The following MITF variants were observed in gnomAD, a reference collection of about 807,000 sequenced individuals.
The protein encoded by MITF is melanocyte inducing transcription factor.
Under a neutral mutation model 60.5 loss-of-function variants are expected in MITF, and 17 were observed. The observed-to-expected ratio is 0.28, with a 90% CI of 0.19 to 0.42. The LOEUF (loss-of-function observed/expected upper bound fraction) is 0.42, where lower values mean the gene tolerates loss of function less well. Among genes scored for constraint, MITF ranks in the 10% least tolerant of loss-of-function variants. The pLI is 1.00. For missense variants in MITF, 622 were observed against 683.5 expected (o/e 0.91, Z 1.00); for synonymous variants, 260 against 248.5 (o/e 1.05, Z -0.43).
intron 2 of MITF, among the ~76,000 whole-genome samples, chr3:69,915,491 A>G (rs1282216446): frequency 6.6e-6 from 1 of 151,560 alleles, no homozygotes; most frequent in Non-Finnish European, 1.5e-5. Flanking sequence ...ATTTGTATGT[A>G]CAAATATTTA....
At chr3:69,786,628 C>T (rs1048648358) in intron 1 of MITF, among the ~76,000 whole-genome samples, 1 of 151,960 alleles carries the variant, frequency 6.6e-6, no homozygotes, top group African/African-American at 2.4e-5. Context: ...TGACAATCCT[C>T]GAGTAACATT....
intron 1 of MITF, among the ~76,000 whole-genome samples, chr3:69,819,747 A>G (rs1192143486): frequency 1.3e-5 from 2 of 152,164 alleles, no homozygotes; most frequent in African/African-American, 4.8e-5. Flanking sequence ...GGATCACTTG[A>G]GGTCAGGAGT....
rs2062394178 is a variant in MITF, at chr3:69,771,510, G to C, written c.104+31809G>C. ...CTCCAGCAGTGTGTCATTAGTGAAC[G>C]GGGAGGATTCTACAGATAGGATGCA... On this transcript the variant is annotated intron_variant, in intron 1 of 9. Transcript: ENST00000352241. Among the ~76,000 whole-genome samples the C allele has an allele frequency of 5.9e-5, 9 of 152,094 alleles. No homozygotes were observed. The South Asian group carries it at 1.7e-3, about 28-fold the overall frequency.
chr3:69,791,317 C>T (rs1049579854), intron 1 of MITF, among the ~76,000 whole-genome samples: 1 of 152,158 alleles, frequency 6.6e-6, no homozygotes, highest in African/African-American at 2.4e-5. Flanking sequence ...ACTCCATGAT[C>T]GCTGAAGAGC....
At chr3:69,788,116 C>T (rs1000572951) in intron 1 of MITF, among the ~76,000 whole-genome samples, 2 of 151,546 alleles carry the variant, frequency 1.3e-5, no homozygotes, top group Admixed American at 6.6e-5. Flanking sequence ...GTCTTCTTAA[C>T]CACTATTTTC....
intron 1 of MITF, among the ~76,000 whole-genome samples, chr3:69,764,660 G>T (rs2062262598): frequency 6.6e-6 from 1 of 152,152 alleles, no homozygotes; most frequent in East Asian, 1.9e-4. Flanking sequence ...TGGGTGAAGG[G>T]TTTTGAATAC....
intron 1 of MITF, among the ~76,000 whole-genome samples, chr3:69,850,357 T>C (rs1174647335): frequency 1.3e-5 from 2 of 152,200 alleles, no homozygotes; most frequent in African/African-American, 4.8e-5. Context: ...TCTCTTAAAG[T>C]CTCATTCTCC....
At chr3:69,832,986 G>C (rs568043136) in intron 1 of MITF, among the ~76,000 whole-genome samples, 6 of 151,436 alleles carry the variant, frequency 4.0e-5, no homozygotes, top group Non-Finnish European at 7.4e-5. Flanking sequence ...TTGTTTCTCT[G>C]TTCACACTGT....
At chr3:69,765,099 G>A (rs1478209711) in intron 1 of MITF, among the ~76,000 whole-genome samples, 1 of 152,114 alleles carries the variant, frequency 6.6e-6, no homozygotes, top group Non-Finnish European at 1.5e-5. Flanking sequence ...GCAGTCCCGT[G>A]GAAACAGAAA....
chr3:69,839,167 G>A (rs995975053), intron 1 of MITF, among the ~76,000 whole-genome samples: 5 of 151,202 alleles, frequency 3.3e-5, no homozygotes, highest in South Asian at 2.1e-4. Context: ...TCTTTTAAAG[G>A]GACTTGGGAG....
In MITF at chr3:69,965,602, C is replaced by T. The variant is rs2066671229; in HGVS notation, c.*354C>T. The T allele has an allele frequency of 4.0e-6, 1 of 251,948 alleles. No individual in the cohort carries two copies. The highest frequency in any genetic ancestry group is 2.2e-5 in the African/African-American group (1 of 45,350). 15.6% of individuals were successfully genotyped at this position (251,948 alleles called of 1,614,324 possible). On this transcript the variant is annotated 3_prime_UTR_variant, in exon 10 of 10. Transcript: ENST00000352241. The stretch of plus-strand genomic sequence containing the variant: ...TTGAGATTTTTATGCCTGTGACTTC[C>T]TTGGAAATCAAATGTAAAGTTTAAT...
At chr3:69,850,213 G>C (rs2063801569) in intron 1 of MITF, among the ~76,000 whole-genome samples, 2 of 152,276 alleles carry the variant, frequency 1.3e-5, no homozygotes, top group South Asian at 2.1e-4. Flanking sequence ...TTTTTGGAGT[G>C]TTCAGATGAA....
At chr3:69,845,424 CT>C (rs2063712491) in intron 1 of MITF, among the ~76,000 whole-genome samples, 2 of 125,562 alleles carry the variant, frequency 1.6e-5, no homozygotes, top group African/African-American at 5.3e-5. Context: ...CTTTTCTTTT[CT>C]TTTTTCTTTT....
intron 1 of MITF, among the ~76,000 whole-genome samples, chr3:69,750,652 G>T (rs1248308102): frequency 6.6e-6 from 1 of 151,932 alleles, no homozygotes; most frequent in Non-Finnish European, 1.5e-5. Flanking sequence ...AGATTTCAGG[G>T]ACACACTCCC....
intron 3 of MITF, chr3:69,938,613 G>A (rs1323175240): frequency 1.5e-6 from 2 of 1,349,826 alleles, no homozygotes; most frequent in African/African-American, 1.5e-5. Context: ...AATTGCCACT[G>A]CCCGTTAAAT....
At chr3:69,841,729 C>A (rs959598423) in intron 1 of MITF, among the ~76,000 whole-genome samples, 2 of 152,104 alleles carry the variant, frequency 1.3e-5, no homozygotes, top group African/African-American at 2.4e-5. Flanking sequence ...TACTTCTTTT[C>A]GTCTCTGAAA....
chr3:69,740,780 G>T (rs895498907), intron 1 of MITF, among the ~76,000 whole-genome samples: 18 of 152,336 alleles, frequency 1.2e-4, no homozygotes, highest in African/African-American at 4.1e-4. Flanking sequence ...TCTGCACTCG[G>T]CTGTAACTTC....
chr3:69,753,201 C>T (rs897305753), intron 1 of MITF, among the ~76,000 whole-genome samples: 3 of 152,176 alleles, frequency 2.0e-5, no homozygotes, highest in Admixed American at 2.0e-4. Flanking sequence ...CCAGGTTACA[C>T]TCAGGCCACT....
In MITF at chr3:69,879,264, A is replaced by C. The variant is rs751155026; in HGVS notation, c.235A>C (p.Lys79Gln). 1.2e-6 allele frequency: 2 copies of C among 1,614,090 alleles called. No homozygotes were observed. The highest frequency in any genetic ancestry group is 1.7e-5 in the Admixed American group (1 of 60,004). Residue 79 changes from lysine to glutamine, a missense_variant, in exon 2 of 10, where the codon AAG becomes CAG. Coordinates refer to ENST00000352241, the MANE Select transcript of MITF (RefSeq NM_001354604.2). ...QEQERREQQQ[K>Q]LQAAQFMQQR... The stretch of plus-strand genomic sequence containing the variant: ...GCAGGAGCGCAGGGAGCAGCAGCAG[A>C]AGCTGCAGGCGGCCCAGTTCATGCA...
Sources: gnomAD v4.1 joint callset for allele counts (sites outside exome capture counted in the v4.1 genomes callset) on GRCh38, gnomAD v4.1.1 for gene constraint, MANE v1.5 for transcripts, NCBI Gene and HGNC (gene_info 2026-07-23, HGNC 2026-07-21) for gene names.